The following PUM1 variants were observed in gnomAD, a reference collection of about 807,000 sequenced individuals.
The protein encoded by PUM1 is pumilio homolog 1.
A neutral mutation model predicts 131.8 loss-of-function variants in PUM1; 13 were observed. The ratio of observed to expected loss-of-function variants is 0.10; its 90% CI spans 0.06 to 0.16. The LOEUF (loss-of-function observed/expected upper bound fraction) is 0.16. Among genes scored for constraint, PUM1 ranks in the 10% least tolerant of loss-of-function variants. The pLI, the probability that PUM1 is intolerant of heterozygous loss-of-function variation, is 1.00. For missense variants in PUM1, 961 were observed against 1,512.4 expected, an observed-to-expected ratio of 0.64 and a Z score of 6.05; for synonymous variants, 509 against 556.5, an observed-to-expected ratio of 0.91 and a Z score of 1.20.
intron 2 of PUM1, among the ~76,000 whole-genome samples, chr1:31,057,264 G>A (rs959827210): frequency 2.6e-5 from 4 of 152,002 alleles, no homozygotes; most frequent in South Asian, 2.1e-4. Context: ...GTAGCCGGGT[G>A]TAGTGTTGCA....
chr1:30,942,191 TTA>T (rs58848270), intron 18 of PUM1, 68 bp from the exon 19 acceptor site: 2,024 of 144,800 alleles, frequency 0.014, 10 homozygotes, highest in African/African-American at 0.023. Flanking sequence ...TCAGTATTGT[TTA>T]TATATATATA....
chr1:31,063,409 G>T (rs1461781732), intron 1 of PUM1, among the ~76,000 whole-genome samples: 1 of 152,062 alleles, frequency 6.6e-6, no homozygotes, highest in African/African-American at 2.4e-5. Context: ...GTCCCTAACA[G>T]AATTCCTAAA....
At chr1:31,060,616 G>A (rs1312325728) in intron 1 of PUM1, among the ~76,000 whole-genome samples, 1 of 152,080 alleles carries the variant, frequency 6.6e-6, no homozygotes, top group East Asian at 1.9e-4. Flanking sequence ...GCCAGGCGAG[G>A]TGGCTCACGC....
At chr1:31,023,365 G>T (rs1450315388) in intron 3 of PUM1, among the ~76,000 whole-genome samples, 1 of 152,028 alleles carries the variant, frequency 6.6e-6, no homozygotes, top group Non-Finnish European at 1.5e-5. Flanking sequence ...TGCTTTTATG[G>T]CACCCTAATT....
intron 3 of PUM1, among the ~76,000 whole-genome samples, chr1:31,008,125 C>G (rs889128675): frequency 6.6e-6 from 1 of 152,158 alleles, no homozygotes; most frequent in Admixed American, 6.5e-5. Flanking sequence ...CCAGAAAGCA[C>G]AAAACATTTC....
chr1:30,958,445 G>A (rs1022820872), intron 14 of PUM1, among the ~76,000 whole-genome samples: 4 of 152,152 alleles, frequency 2.6e-5, no homozygotes, highest in East Asian at 1.9e-4. Context: ...AAGCCTGGGT[G>A]TCGTCAACAA....
At position 31,000,558 on chromosome 1, in the gene PUM1, G is replaced by A. The variant is rs192884636; in HGVS notation, c.720+5295C>T. 1.4e-3 allele frequency among the ~76,000 whole-genome samples: 215 copies of A among 152,212 alleles called. 2 individuals carry two copies. The highest frequency in any genetic ancestry group is 3.4e-3 in the Admixed American group (52 of 15,294). ...ACTTCCTCAAAAGACTCACATAAAG[G>A]GGGGAATACTTCCTAATATACCTAT... On this transcript the variant is annotated intron_variant, in intron 5 of 21. Transcript: ENST00000426105.
At chr1:31,030,676 A>G (rs1156475837) in intron 2 of PUM1, among the ~76,000 whole-genome samples, 1 of 151,222 alleles carries the variant, frequency 6.6e-6, no homozygotes, top group Non-Finnish European at 1.5e-5. Flanking sequence ...ACGCCACTAC[A>G]CTCTAGCCTG....
chr1:30,970,495 A>G (rs16834150), intron 10 of PUM1, among the ~76,000 whole-genome samples: 3,082 of 152,330 alleles, frequency 0.02, 92 homozygotes, highest in African/African-American at 0.071. Flanking sequence ...AATAACCAAT[A>G]GCAAATCACT....
intron 7 of PUM1, among the ~76,000 whole-genome samples, chr1:30,985,705 C>T (rs1034516613): frequency 1.3e-5 from 2 of 150,930 alleles, no homozygotes; most frequent in African/African-American, 4.9e-5. Context: ...CCACCAGCTG[C>T]TATCAGTGGG....
At chr1:30,983,833 G>A (rs1358008692) in intron 7 of PUM1, among the ~76,000 whole-genome samples, 1 of 151,292 alleles carries the variant, frequency 6.6e-6, no homozygotes, top group African/African-American at 2.4e-5. Context: ...GAACTCCTGG[G>A]CTCAAATGAT....
rs562911540 is a variant in PUM1 at position 30,980,242 on chromosome 1, T to C, written c.1253-79A>G. On this transcript the variant is annotated intron_variant, in intron 8 of 21. Coordinates refer to ENST00000426105, the MANE Select transcript of PUM1 (RefSeq NM_001020658.2). The stretch of plus-strand genomic sequence containing the variant: ...ATCAAATACCTACACAGTTTCGCTA[T>C]TCACTCCAGACAGTAGATAAGGAAA... 5.1e-4 allele frequency: 557 copies of C among 1,095,662 alleles called. 13 individuals are homozygous for C. In the South Asian group the frequency reaches 7.0e-3, roughly 14 times the overall value. 67.9% of individuals were successfully genotyped at this position (1,095,662 alleles called of 1,614,324 possible).
chr1:30,980,665 T>C (rs1641321716), intron 8 of PUM1, among the ~76,000 whole-genome samples: 1 of 152,098 alleles, frequency 6.6e-6, no homozygotes, highest in African/African-American at 2.4e-5. Context: ...CTATAGCCTA[T>C]CACATCCAAG....
chr1:30,965,602 G>A (rs1327716637), intron 13 of PUM1, among the ~76,000 whole-genome samples: 1 of 152,184 alleles, frequency 6.6e-6, no homozygotes, highest in African/African-American at 2.4e-5. Context: ...TTTAAGGCCT[G>A]CAGGCCAAGA....
chr1:31,032,355 G>A lies in PUM1; in HGVS notation c.364-3491C>T, dbSNP rs1456574003. Reference sequence around the variant, plus strand: ...AGAAATATTTGTAAGAAATATTTTAGAAGGGAGAAGTATTTTCCATGATAA... The same window carrying A: ...AGAAATATTTGTAAGAAATATTTTAAAAGGGAGAAGTATTTTCCATGATAA... On this transcript the variant is annotated intron_variant, in intron 2 of 21. Transcript: ENST00000426105. Among the ~76,000 whole-genome samples, 4 of 152,308 alleles carry A rather than the reference G, an allele frequency of 2.6e-5. No individual in the cohort carries two copies. In the East Asian group the frequency reaches 7.7e-4, roughly 29 times the overall value.
intron 7 of PUM1, among the ~76,000 whole-genome samples, chr1:30,982,610 T>A (rs1641395788): frequency 6.6e-6 from 1 of 152,168 alleles, no homozygotes; most frequent in East Asian, 1.9e-4. Context: ...ACACCATGGA[T>A]CTTGAATTAC....
chr1:31,024,145 T>C (rs1368461627), intron 3 of PUM1, among the ~76,000 whole-genome samples: 1 of 152,168 alleles, frequency 6.6e-6, no homozygotes, highest in Non-Finnish European at 1.5e-5. Context: ...AACATCTTTG[T>C]CTTACGGGTA....
chr1:31,014,301 C>CAA lies in PUM1; in HGVS notation c.433-7201_433-7200dup, dbSNP rs745510280. ...GGGCAACAGAGCAAGATCCAGTCTC[C>CAA]AAAAAAAAAAAAAAAAAAAAAATCT... On this transcript the variant is annotated intron_variant, in intron 3 of 21. Coordinates refer to ENST00000426105, the MANE Select transcript of PUM1 (RefSeq NM_001020658.2). Among the ~76,000 whole-genome samples, 205 of 76,000 alleles carry CAA rather than the reference C, an allele frequency of 2.7e-3. No homozygotes were observed. The East Asian group carries it at 0.032, about 12-fold the overall frequency. The allele number at this position is 76,000 out of a possible 152,430, so 49.9% of individuals were successfully genotyped here.
At chr1:30,968,546 C>G in intron 10 of PUM1, 54 bp from the exon 11 acceptor site, 2 of 1,549,882 alleles carry the variant, frequency 1.3e-6, no homozygotes, top group South Asian at 2.5e-5. Flanking sequence ...TGGAGAAGAC[C>G]TACCCTATGC....
Sources: gnomAD v4.1 joint callset for allele counts (sites outside exome capture counted in the v4.1 genomes callset) on GRCh38, gnomAD v4.1.1 for gene constraint, MANE v1.5 for transcripts, NCBI Gene and HGNC (gene_info 2026-07-23, HGNC 2026-07-21) for gene names.